Variants in PUDP observed in about 807,000 individuals in gnomAD.
PUDP encodes the protein pseudouridine 5'-phosphatase.
In PUDP, 8 loss-of-function variants were observed where a neutral mutation model predicts 9.4. That is an observed-to-expected ratio of 0.85 (90% CI 0.50 to 1.53). The LOEUF (loss-of-function observed/expected upper bound fraction) is 1.53, where lower values mean the gene tolerates loss of function less well. Among genes scored for constraint, PUDP ranks in the 40% most tolerant of loss-of-function variants. The pLI is 0.00. For missense variants in PUDP, 188 were observed against 189.7 expected (o/e 0.99, Z 0.05); for synonymous variants, 99 against 80.7 (o/e 1.23, Z -1.22).
chrX:7,008,395 T>C (rs1196576872), intron 1 of PUDP, among the ~76,000 whole-genome samples: 2 of 111,179 alleles, frequency 1.8e-5, no homozygotes, highest in Non-Finnish European at 3.8e-5. Context: ...CAACTAATAT[T>C]TGCATGATCT....
At chrX:6,946,955 G>T (rs1476176349) in intron 3 of PUDP, among the ~76,000 whole-genome samples, 2 of 106,040 alleles carry the variant, frequency 1.9e-5, no homozygotes, top group Non-Finnish European at 3.9e-5. Context: ...TTTAAAAGTT[G>T]AATTCTATAT....
chrX:6,983,327 T>C (rs1466758561), intron 1 of PUDP, among the ~76,000 whole-genome samples: 2 of 110,916 alleles, frequency 1.8e-5, no homozygotes, highest in Non-Finnish European at 3.8e-5. Context: ...GGGGATGAAA[T>C]CATAGGGAGC....
intron 1 of PUDP, among the ~76,000 whole-genome samples, chrX:7,134,776 G>A (rs1332876851): frequency 1.8e-5 from 2 of 111,950 alleles, no homozygotes; most frequent in Non-Finnish European, 3.8e-5. Context: ...GCAAATAAGA[G>A]ATGCAAAAAG....
chrX:6,847,328 A>C (rs992932097), intron 3 of PUDP, among the ~76,000 whole-genome samples: 2 of 77,819 alleles, frequency 2.6e-5, no homozygotes, highest in African/African-American at 1.3e-4. Flanking sequence ...ACCCACCCCC[A>C]AAAAAAGGAA....
intron 3 of PUDP, among the ~76,000 whole-genome samples, chrX:6,802,261 C>T (rs962455852): frequency 9.0e-6 from 1 of 111,437 alleles, no homozygotes; most frequent in African/African-American, 3.3e-5. Flanking sequence ...GGTGAATAGA[C>T]ACACACTCCT....
intron 1 of PUDP, among the ~76,000 whole-genome samples, chrX:6,713,331 T>A (rs938038863): frequency 8.9e-6 from 1 of 112,443 alleles, no homozygotes; most frequent in Non-Finnish European, 1.9e-5. Flanking sequence ...TGAGTTACAA[T>A]TTTTGGACAT....
intron 3 of PUDP, among the ~76,000 whole-genome samples, chrX:6,885,124 A>C (rs1463941016): frequency 8.9e-6 from 1 of 112,106 alleles, no homozygotes; most frequent in African/African-American, 3.2e-5. Context: ...GAGATAGGAC[A>C]GTTACAGTTG....
At chrX:7,134,038 T>C (rs774727025) in intron 1 of PUDP, among the ~76,000 whole-genome samples, 1 of 112,134 alleles carries the variant, frequency 8.9e-6, no homozygotes, top group East Asian at 2.8e-4. Flanking sequence ...TTGGTAGGCA[T>C]GCAATATCCT....
intron 3 of PUDP, among the ~76,000 whole-genome samples, chrX:6,843,400 G>A (rs914233514): frequency 2.7e-5 from 3 of 111,640 alleles, no homozygotes; most frequent in Non-Finnish European, 5.6e-5. Flanking sequence ...AGCTGGTCCA[G>A]TGGCCCCAGT....
At chrX:7,120,568 C>T (rs1932315469) in intron 1 of PUDP, among the ~76,000 whole-genome samples, 2 of 112,429 alleles carry the variant, frequency 1.8e-5, no homozygotes, top group Admixed American at 1.9e-4. Flanking sequence ...TAATAAAAGG[C>T]TAACATAGCA....
chrX:6,977,115 A>G (rs1308559247), intron 3 of PUDP, among the ~76,000 whole-genome samples: 1 of 112,212 alleles, frequency 8.9e-6, no homozygotes, highest in Non-Finnish European at 1.9e-5. Context: ...GCATTTAAAT[A>G]AATACAGAGT....
At chrX:7,024,423 T>C (rs1256514426) in intron 1 of PUDP, among the ~76,000 whole-genome samples, 1 of 111,837 alleles carries the variant, frequency 8.9e-6, no homozygotes, top group Non-Finnish European at 1.9e-5. Flanking sequence ...AAATGCTTTT[T>C]CTACATCTAC....
In PUDP at chrX:6,934,499, G is replaced by T. The variant is rs1336243529; in HGVS notation, c.*247+42634C>A. ...TGAAGGAAGTGCTAAACATGGAAAG[G>T]AACAACCGGTACCAGCCGCTGCAAA... On this transcript the variant is annotated intron_variant and NMD_transcript_variant, in intron 3 of 3. Transcript: ENST00000655425. 2.7e-3 allele frequency among the ~76,000 whole-genome samples: 297 copies of T among 109,726 alleles called. 3 individuals are homozygous for T. Among genetic ancestry groups the T allele is most frequent in the African/African-American group, 9.3e-3 (280 of 30,186 alleles).
intron 3 of PUDP, among the ~76,000 whole-genome samples, chrX:6,829,965 C>T (rs892693659): frequency 9.1e-6 from 1 of 110,368 alleles, no homozygotes; most frequent in African/African-American, 3.3e-5. Flanking sequence ...TAATCCAGAA[C>T]ATTAATTGAA....
chrX:6,841,409 C>A (rs1379329628), intron 3 of PUDP, among the ~76,000 whole-genome samples: 1 of 110,125 alleles, frequency 9.1e-6, no homozygotes, highest in Non-Finnish European at 1.9e-5. Flanking sequence ...CTGGACAACA[C>A]AGCAAAACTC....
At chrX:6,821,554 G>A (rs1224340284) in intron 3 of PUDP, among the ~76,000 whole-genome samples, 1 of 111,576 alleles carries the variant, frequency 9.0e-6, no homozygotes, top group Non-Finnish European at 1.9e-5. Context: ...ACCTAGGAAG[G>A]ATTTTCTGAC....
At chrX:6,856,854 T>C (rs12399399) in intron 3 of PUDP, among the ~76,000 whole-genome samples, 1,287 of 112,152 alleles carry the variant, frequency 0.011, 19 homozygotes, top group Non-Finnish European at 0.018. Context: ...GTCCATTGAT[T>C]TCCTACCTGA....
intron 3 of PUDP, among the ~76,000 whole-genome samples, chrX:6,733,481 G>C (rs1267233012): frequency 9.0e-6 from 1 of 111,476 alleles, no homozygotes; most frequent in African/African-American, 3.3e-5. Context: ...TAGAGAAATG[G>C]TAGCCACTGC....
intron 1 of PUDP, among the ~76,000 whole-genome samples, chrX:7,119,351 C>T (rs1932278293): frequency 8.9e-6 from 1 of 112,695 alleles, no homozygotes. Flanking sequence ...GAAACTTCCA[C>T]AGCACCGTGC....
Sources: gnomAD v4.1 joint callset for allele counts (sites outside exome capture counted in the v4.1 genomes callset) on GRCh38, gnomAD v4.1.1 for gene constraint, MANE v1.5 for transcripts, NCBI Gene and HGNC (gene_info 2026-07-23, HGNC 2026-07-21) for gene names.